The following LIN7A variants were observed in gnomAD, a reference collection of about 807,000 sequenced individuals.
The protein encoded by LIN7A is protein lin-7 homolog A.
A neutral mutation model predicts 29.8 loss-of-function variants in LIN7A; 25 were observed. The observed-to-expected ratio is 0.84, with a 90% CI of 0.61 to 1.17. The LOEUF is 1.17. Among genes scored for constraint, LIN7A ranks in the 50% most tolerant of loss-of-function variants. The pLI, the probability that LIN7A is intolerant of heterozygous loss-of-function variation, is 0.00. For synonymous variants in LIN7A, 118 were observed against 107.5 expected (o/e 1.10, Z -0.60); for missense variants, 239 against 287.0 (o/e 0.83, Z 1.21).
At chr12:80,831,562 T>G (rs74109602) in intron 4 of LIN7A, among the ~76,000 whole-genome samples, 5,404 of 152,294 alleles carry the variant, frequency 0.035, 322 homozygotes, top group African/African-American at 0.12. Flanking sequence ...AGACTGAAAG[T>G]GATTGGGCTT....
chr12:80,796,715 A>G lies in LIN7A; in HGVS notation c.*1012T>C, dbSNP rs1870466069. The G allele has an allele frequency of 6.6e-6, 1 of 152,162 alleles. No individual in the cohort carries two copies. The highest frequency in any genetic ancestry group is 1.5e-5 in the Non-Finnish European group (1 of 68,020). The allele number at this position is 152,162 out of a possible 1,614,324, so 9.4% of individuals were successfully genotyped here. On this transcript the variant is annotated 3_prime_UTR_variant, in exon 6 of 6. Coordinates refer to ENST00000552864, the MANE Select transcript of LIN7A (RefSeq NM_004664.4). ...ATATTTGAATATATATGCACATATA[A>G]TTTAGTTTTGCTAAGCTTTAAAATA...
At chr12:80,920,503 A>G (rs1449995465) in intron 1 of LIN7A, among the ~76,000 whole-genome samples, 3 of 152,216 alleles carry the variant, frequency 2.0e-5, no homozygotes, top group Admixed American at 6.5e-5. Context: ...TTAAGGATAT[A>G]TACTCTAAAC....
chr12:80,918,707 T>G (rs1452286792), intron 1 of LIN7A, among the ~76,000 whole-genome samples: 1 of 152,228 alleles, frequency 6.6e-6, no homozygotes. Context: ...AGTTTCTGTG[T>G]TGGCTCAGTC....
chr12:80,920,528 T>C (rs1468664952), intron 1 of LIN7A, among the ~76,000 whole-genome samples: 1 of 152,118 alleles, frequency 6.6e-6, no homozygotes, highest in African/African-American at 2.4e-5. Flanking sequence ...GGGCCAACAT[T>C]ACAAACAATA....
At chr12:80,845,684 A>G (rs764170464) in intron 4 of LIN7A, 46 bp downstream of exon 4, 1 of 1,513,270 alleles carries the variant, frequency 6.6e-7, no homozygotes. Context: ...GGCAAAAAAA[A>G]AGAATGTGCT....
intron 2 of LIN7A, among the ~76,000 whole-genome samples, chr12:80,877,561 C>A (rs578017451): frequency 3.3e-5 from 5 of 151,860 alleles, no homozygotes; most frequent in African/African-American, 9.7e-5. Context: ...AAGCTGGGAT[C>A]AGTTTTCAGC....
At chr12:80,811,417 G>GTATATATACGTATATA (rs1555221698) in intron 5 of LIN7A, 48 bp downstream of exon 5, 1 of 644,564 alleles carries the variant, frequency 1.6e-6, no homozygotes, top group Non-Finnish European at 2.8e-6. Context: ...ATATGTGTGT[G>GTATATATACGTATATA]TGTATATATA....
At chr12:80,812,531 G>T (rs866015794) in intron 4 of LIN7A, among the ~76,000 whole-genome samples, 1 of 149,430 alleles carries the variant, frequency 6.7e-6, no homozygotes, top group Admixed American at 6.7e-5. Flanking sequence ...GTGCAAAAGG[G>T]TTTTTTTTCT....
chr12:80,903,412 G>T (rs1876322669), intron 1 of LIN7A, among the ~76,000 whole-genome samples: 3 of 151,814 alleles, frequency 2.0e-5, no homozygotes, highest in Non-Finnish European at 1.5e-5. Context: ...TATGTCCATG[G>T]GTACACATTA....
chr12:80,804,325 G>T (rs1369905791), intron 5 of LIN7A, among the ~76,000 whole-genome samples: 1 of 151,922 alleles, frequency 6.6e-6, no homozygotes, highest in African/African-American at 2.4e-5. Flanking sequence ...TGCATTCATT[G>T]TGTTTTTGTA....
chr12:80,877,855 T>G (rs1394593138), intron 2 of LIN7A, among the ~76,000 whole-genome samples: 3 of 151,288 alleles, frequency 2.0e-5, no homozygotes, highest in Non-Finnish European at 2.9e-5. Context: ...TTAAATGACT[T>G]GTGCACTGGG....
intron 5 of LIN7A, among the ~76,000 whole-genome samples, chr12:80,810,575 A>G (rs1871239183): frequency 6.6e-6 from 1 of 152,170 alleles, no homozygotes; most frequent in African/African-American, 2.4e-5. Context: ...CATCTCTTTG[A>G]CATATTGATT....
chr12:80,915,544 T>C (rs1420311274), intron 1 of LIN7A, among the ~76,000 whole-genome samples: 1 of 152,138 alleles, frequency 6.6e-6, no homozygotes, highest in Non-Finnish European at 1.5e-5. Context: ...GAGAAAATAA[T>C]TCAACCTACC....
intron 1 of LIN7A, among the ~76,000 whole-genome samples, chr12:80,903,455 G>T (rs1046213027): frequency 2.0e-5 from 3 of 152,006 alleles, no homozygotes; most frequent in East Asian, 1.9e-4. Flanking sequence ...AGAACATGTG[G>T]TATTGACTTT....
At chr12:80,899,928 A>G (rs1488449936) in intron 1 of LIN7A, among the ~76,000 whole-genome samples, 1 of 151,234 alleles carries the variant, frequency 6.6e-6, no homozygotes, top group African/African-American at 2.4e-5. Context: ...CCACAATGCC[A>G]GGCTAATTTT....
At chr12:80,867,632 C>T (rs1028294805) in intron 2 of LIN7A, among the ~76,000 whole-genome samples, 12 of 152,188 alleles carry the variant, frequency 7.9e-5, no homozygotes, top group East Asian at 7.7e-4. Flanking sequence ...TCTTTTGACA[C>T]GCTTTCTGTA....
intron 2 of LIN7A, among the ~76,000 whole-genome samples, chr12:80,861,771 G>A (rs1873895435): frequency 6.6e-6 from 1 of 152,180 alleles, no homozygotes; most frequent in African/African-American, 2.4e-5. Flanking sequence ...CAGCCCAGAG[G>A]ATATAAAACC....
intron 1 of LIN7A, among the ~76,000 whole-genome samples, chr12:80,896,175 A>G (rs1043885120): frequency 6.6e-6 from 1 of 152,226 alleles, no homozygotes; most frequent in Admixed American, 6.5e-5. Flanking sequence ...CAGCCATGTA[A>G]AGATCCAAAG....
At chr12:80,850,132 G>A (rs1176248988) in intron 2 of LIN7A, among the ~76,000 whole-genome samples, 1 of 152,084 alleles carries the variant, frequency 6.6e-6, no homozygotes, top group Admixed American at 6.6e-5. Flanking sequence ...AATTGATTTT[G>A]AATTAGAAAG....
Sources: allele counts gnomAD v4.1 joint callset (sites outside exome capture counted in the v4.1 genomes callset), GRCh38; gene constraint gnomAD v4.1.1; transcripts MANE v1.5; gene names NCBI Gene and HGNC (gene_info 2026-07-23, HGNC 2026-07-21).